The following USP34 variants were observed in gnomAD, a reference collection of about 807,000 sequenced individuals.
USP34 encodes ubiquitin carboxyl-terminal hydrolase 34.
USP34 carries 70 observed loss-of-function variants against 460.3 expected under a neutral mutation model. That is an observed-to-expected ratio of 0.15 (90% CI 0.13 to 0.19). The LOEUF is 0.19. Among genes scored for constraint, USP34 ranks in the 10% least tolerant of loss-of-function variants. The pLI is 1.00. For synonymous variants in USP34, 1,647 were observed against 1,405.3 expected (o/e 1.17, Z -3.85); for missense variants, 3,985 against 4,236.2 (o/e 0.94, Z 1.65).
intron 5 of USP34, 34 bp downstream of exon 5, chr2:61,394,819 C>G (rs563623317): frequency 6.9e-7 from 1 of 1,454,686 alleles, no homozygotes; most frequent in Non-Finnish European, 9.1e-7. Context: ...AGACATTGCT[C>G]CCAAAATTAA....
chr2:61,414,087 G>A (rs1379545114), intron 2 of USP34, among the ~76,000 whole-genome samples: 1 of 152,014 alleles, frequency 6.6e-6, no homozygotes, highest in Non-Finnish European at 1.5e-5. Context: ...GGGAAACCCT[G>A]TCTCTACTAA....
intron 3 of USP34, among the ~76,000 whole-genome samples, chr2:61,404,157 A>G (rs10176576): frequency 3.2e-4 from 48 of 152,274 alleles, no homozygotes; most frequent in African/African-American, 9.9e-4. Context: ...ATGTTTTCAA[A>G]TAAGTCTCCA....
Position 61,470,675 on chromosome 2 carries a change from T to A in USP34, c.18A>T (p.Ala6=). The A allele has an allele frequency of 6.3e-7, 1 of 1,595,216 alleles. No homozygotes were observed. The highest frequency in any genetic ancestry group is 8.5e-7 in the Non-Finnish European group (1 of 1,171,322). MCENC[A]DLVEVLNEIS... ...TTTCATTTAACACCTCCACCAGGTC[T>A]GCGCAGTTCTCGCACATCGTTCGGC... is the stretch of plus-strand genomic sequence containing the variant. The change falls in exon 1 of 80, where the codon GCA becomes GCT. Residue 6 remains alanine, a synonymous_variant. Coordinates refer to ENST00000398571, the MANE Select transcript of USP34 (RefSeq NM_014709.4).
At chr2:61,211,664 T>C (rs1687276212) in intron 69 of USP34, 108 bp downstream of exon 69, 2 of 1,200,042 alleles carry the variant, frequency 1.7e-6, no homozygotes, top group African/African-American at 3.2e-5. Flanking sequence ...CCAAAGTGGC[T>C]ACATGCACAA....
intron 27 of USP34, among the ~76,000 whole-genome samples, chr2:61,302,135 G>C (rs946855769): frequency 1.3e-5 from 2 of 151,530 alleles, no homozygotes; most frequent in African/African-American, 4.8e-5. Context: ...ACTTTTTCGG[G>C]AAAAAAAATG....
chr2:61,221,886 A>G (rs1687598713), intron 65 of USP34: 4 of 266,352 alleles, frequency 1.5e-5, no homozygotes, highest in Non-Finnish European at 7.0e-6. Flanking sequence ...CAAACACTGT[A>G]AATACTTACG....
chr2:61,228,478 C>G (rs1014055030), intron 61 of USP34, among the ~76,000 whole-genome samples, 167 bp downstream of exon 61: 1 of 152,142 alleles, frequency 6.6e-6, no homozygotes, highest in African/African-American at 2.4e-5. Flanking sequence ...CTTGCTATAT[C>G]CATTAAAATT....
At chr2:61,263,512 C>T (rs1435000179) in intron 43 of USP34, among the ~76,000 whole-genome samples, 5 of 145,838 alleles carry the variant, frequency 3.4e-5, no homozygotes, top group South Asian at 4.4e-4. Context: ...GACAAAGTCT[C>T]GCTCTGTCGC....
intron 68 of USP34, 82 bp from the exon 69 acceptor site, chr2:61,212,011 T>C: frequency 1.4e-6 from 2 of 1,395,348 alleles, no homozygotes; most frequent in Non-Finnish European, 1.9e-6. Context: ...CGTTCATTAA[T>C]CAACTCTTAA....
chr2:61,353,558 GTTTTGT>G (rs1055295389), intron 10 of USP34, among the ~76,000 whole-genome samples: 57 of 137,866 alleles, frequency 4.1e-4, no homozygotes, highest in African/African-American at 1.3e-3. Context: ...CACCCAGCTA[GTTTTGT>G]TTTTGTTTTT....
intron 67 of USP34, among the ~76,000 whole-genome samples, chr2:61,218,768 A>G (rs1256229774): frequency 6.6e-6 from 1 of 152,114 alleles, no homozygotes; most frequent in Non-Finnish European, 1.5e-5. Flanking sequence ...TCATGGTTAG[A>G]TTCAGGTTAT....
intron 18 of USP34, 26 bp downstream of exon 18, chr2:61,339,325 T>A (rs923304637): frequency 4.4e-6 from 7 of 1,595,426 alleles, no homozygotes; most frequent in Admixed American, 1.8e-5. Flanking sequence ...GACTACTGCA[T>A]TAAAAATTTT....
intron 8 of USP34, among the ~76,000 whole-genome samples, chr2:61,371,429 G>T: frequency 7.3e-6 from 1 of 136,574 alleles, no homozygotes; most frequent in Admixed American, 7.9e-5. Context: ...AGCTCCATGT[G>T]TATTATTAAA....
rs533501781 is a variant in USP34, at chr2:61,437,711, T to G, written c.44-16878A>C. 2.0e-4 allele frequency among the ~76,000 whole-genome samples: 30 copies of G among 151,862 alleles called. No individual in the cohort carries two copies. In the South Asian group the frequency reaches 6.0e-3, roughly 30 times the overall value. On this transcript the variant is annotated intron_variant, in intron 1 of 79. Coordinates refer to ENST00000398571, the MANE Select transcript of USP34 (RefSeq NM_014709.4). Reference sequence around the variant, plus strand: ...TGGCTTGAACACGGGAGGCGGAGCTTGCAGTGAGCCCAGATTGTACCACTG... The same window carrying G: ...TGGCTTGAACACGGGAGGCGGAGCTGGCAGTGAGCCCAGATTGTACCACTG...
intron 8 of USP34, among the ~76,000 whole-genome samples, chr2:61,375,649 G>A (rs569088847): frequency 6.3e-4 from 96 of 151,478 alleles, no homozygotes; most frequent in South Asian, 4.4e-3. Flanking sequence ...GGTGCCTGTA[G>A]TCCCAGCTAC....
chr2:61,423,626 A>G (rs1694425715), intron 1 of USP34, among the ~76,000 whole-genome samples: 1 of 152,126 alleles, frequency 6.6e-6, no homozygotes, highest in Admixed American at 6.6e-5. Flanking sequence ...ACCCAAATTG[A>G]TTTATGAATT....
intron 20 of USP34, among the ~76,000 whole-genome samples, chr2:61,328,725 G>A (rs1431749260): frequency 6.6e-6 from 1 of 152,156 alleles, no homozygotes; most frequent in Non-Finnish European, 1.5e-5. Context: ...CACTAACAAA[G>A]TGAGTAACTT....
intron 3 of USP34, among the ~76,000 whole-genome samples, chr2:61,400,413 G>C (rs931347310): frequency 1.3e-5 from 2 of 152,032 alleles, no homozygotes; most frequent in Non-Finnish European, 2.9e-5. Flanking sequence ...CCGGCCAGAG[G>C]AAAGGCAATT....
chr2:61,338,417 A>G (rs1691492171), intron 18 of USP34, among the ~76,000 whole-genome samples: 1 of 152,238 alleles, frequency 6.6e-6, no homozygotes, highest in Admixed American at 6.5e-5. Context: ...GAATTTTTCT[A>G]CTGTAACTGC....
Sources: gnomAD v4.1 joint callset for allele counts (sites outside exome capture counted in the v4.1 genomes callset) on GRCh38, gnomAD v4.1.1 for gene constraint, MANE v1.5 for transcripts, NCBI Gene and HGNC (gene_info 2026-07-23, HGNC 2026-07-21) for gene names.